The following ANO3 variants were observed in gnomAD, a reference collection of about 807,000 sequenced individuals.
ANO3 encodes anoctamin 3.
A neutral mutation model predicts 144.8 loss-of-function variants in ANO3; 99 were observed. The ratio of observed to expected loss-of-function variants is 0.68; its 90% confidence interval spans 0.58 to 0.81. The LOEUF (loss-of-function observed/expected upper bound fraction) is 0.81. ANO3 is among the 30% of genes least tolerant of loss of function. The pLI, the probability that ANO3 is intolerant of heterozygous loss-of-function variation, is 0.00. For missense variants in ANO3, 905 were observed against 1,202.2 expected (o/e 0.75, Z 3.66); for synonymous variants, 414 against 392.6 (o/e 1.05, Z -0.64).
intron 1 of ANO3, among the ~76,000 whole-genome samples, chr11:26,234,534 A>G (rs1380430839): frequency 1.3e-5 from 2 of 152,224 alleles, no homozygotes; most frequent in Non-Finnish European, 2.9e-5. Context: ...TTTAAAAACC[A>G]ATTTAAATAC....
At chr11:26,541,487 G>C (rs1257890308) in intron 10 of ANO3, among the ~76,000 whole-genome samples, 1 of 151,886 alleles carries the variant, frequency 6.6e-6, no homozygotes, top group Admixed American at 6.6e-5. Context: ...GGTGGCTGAG[G>C]CCTCTTATAT....
At position 26,377,017 on chromosome 11, in the gene ANO3, A is replaced by G. The variant is rs189261879; in HGVS notation, c.46+44696A>G. On this transcript the variant is annotated intron_variant, in intron 1 of 26. Transcript: ENST00000256737. Reference sequence around the variant, plus strand: ...TGAGGAGAAAAAAGTCTACATGAAAAATTCTTAGATTCATCCTAGAAAGTC... The same window carrying G: ...TGAGGAGAAAAAAGTCTACATGAAAGATTCTTAGATTCATCCTAGAAAGTC... 1.2e-4 allele frequency among the ~76,000 whole-genome samples: 19 copies of G among 152,234 alleles called. No individual in the cohort carries two copies. In the East Asian group the frequency reaches 3.7e-3, roughly 29 times the overall value.
At chr11:26,261,293 C>T (rs1277293795) in intron 1 of ANO3, among the ~76,000 whole-genome samples, 2 of 152,120 alleles carry the variant, frequency 1.3e-5, no homozygotes, top group South Asian at 2.1e-4. Context: ...ATTTAGAGAA[C>T]AGCCTTGCTT....
intron 4 of ANO3, among the ~76,000 whole-genome samples, chr11:26,466,618 G>T (rs1859611256): frequency 2.0e-5 from 3 of 151,972 alleles, no homozygotes; most frequent in Admixed American, 6.6e-5. Context: ...CATAAGCACA[G>T]TTGCCCCAAA....
chr11:26,604,317 T>C (rs557268434), intron 17 of ANO3, among the ~76,000 whole-genome samples: 1 of 152,188 alleles, frequency 6.6e-6, no homozygotes, highest in Non-Finnish European at 1.5e-5. Flanking sequence ...TACTGTAGCC[T>C]TGTAGTATAG....
chr11:26,249,183 T>C (rs934694090), intron 1 of ANO3, among the ~76,000 whole-genome samples: 5 of 152,170 alleles, frequency 3.3e-5, no homozygotes, highest in African/African-American at 1.2e-4. Context: ...GCCGTTGGGG[T>C]ATATGGATAT....
intron 1 of ANO3, among the ~76,000 whole-genome samples, chr11:26,255,629 G>A (rs1027732011): frequency 8.5e-5 from 13 of 152,068 alleles, no homozygotes; most frequent in African/African-American, 3.1e-4. Context: ...ATGGGAGGGG[G>A]GTTTTGGTCT....
In ANO3 at chr11:26,662,973, A is replaced by G. The variant is rs1374525827; in HGVS notation, c.*2529A>G. The G allele has an allele frequency of 6.6e-6, 1 of 152,454 alleles. No homozygotes were observed. Among genetic ancestry groups the G allele is most frequent in the Non-Finnish European group, 1.5e-5 (1 of 67,972 alleles). The allele number at this position is 152,454 out of a possible 1,614,324, so 9.4% of individuals were successfully genotyped here. ...TGTATTACATGAATGCTGCTTATATATTTTCATATTCTAACTTGTCTTTTC... is the reference window on the plus strand; with the variant it reads ...TGTATTACATGAATGCTGCTTATATGTTTTCATATTCTAACTTGTCTTTTC... On this transcript the variant is annotated 3_prime_UTR_variant, in exon 27 of 27. Transcript: ENST00000256737.
At chr11:26,323,371 T>G (rs548339875) in intron 1 of ANO3, among the ~76,000 whole-genome samples, 1 of 152,310 alleles carries the variant, frequency 6.6e-6, no homozygotes, top group East Asian at 1.9e-4. Flanking sequence ...CATTTTGATC[T>G]GTCTGATTTC....
intron 17 of ANO3, among the ~76,000 whole-genome samples, chr11:26,607,816 T>G (rs1851977628): frequency 6.6e-6 from 1 of 152,232 alleles, no homozygotes; most frequent in Non-Finnish European, 1.5e-5. Context: ...AGATTGGTTA[T>G]TCTACATAGC....
chr11:26,315,513 G>C (rs1373125865), intron 1 of ANO3, among the ~76,000 whole-genome samples: 1 of 152,100 alleles, frequency 6.6e-6, no homozygotes, highest in Non-Finnish European at 1.5e-5. Context: ...TTTAGGAGAA[G>C]TATAATGAAC....
intron 1 of ANO3, among the ~76,000 whole-genome samples, chr11:26,359,125 C>G (rs1855859179): frequency 6.6e-6 from 1 of 152,172 alleles, no homozygotes; most frequent in Admixed American, 6.5e-5. Context: ...ATATTGGAAA[C>G]CAGGCACTAG....
chr11:26,443,763 A>G lies in ANO3; in HGVS notation c.242-2A>G. On this transcript the variant is annotated splice_acceptor_variant, in intron 2 of 26. Transcript: ENST00000256737. LOFTEE classifies it high-confidence loss of function. ...ACTACAAAGTATCTTATTTTATTTCAGTTAATACTGAGGAGAATAAAAACG... is the reference window on the plus strand; with the variant it reads ...ACTACAAAGTATCTTATTTTATTTCGGTTAATACTGAGGAGAATAAAAACG... 1 of 1,034,280 alleles carries G rather than the reference A, an allele frequency of 9.7e-7. No individual in the cohort carries two copies. Among genetic ancestry groups the G allele is most frequent in the Middle Eastern group, 2.4e-4 (1 of 4,236 alleles). 64.1% of individuals were successfully genotyped at this position (1,034,280 alleles called of 1,614,324 possible).
At chr11:26,565,925 C>A in intron 14 of ANO3, 1 of 1,522,558 alleles carries the variant, frequency 6.6e-7, no homozygotes, top group Non-Finnish European at 8.8e-7. Context: ...AATTTGAATT[C>A]CTTAAATAAA....
At chr11:26,355,017 T>TTG (rs1199886863) in intron 1 of ANO3, among the ~76,000 whole-genome samples, 3 of 151,844 alleles carry the variant, frequency 2.0e-5, no homozygotes, top group African/African-American at 7.2e-5. Flanking sequence ...AACTCTTTTT[T>TTG]TTTTTCTCCC....
At chr11:26,631,945 C>T (rs1313621594) in intron 18 of ANO3, among the ~76,000 whole-genome samples, 4 of 151,908 alleles carry the variant, frequency 2.6e-5, no homozygotes, top group African/African-American at 7.3e-5. Context: ...TTTGGGAGGC[C>T]GAGGCAGCCA....
At chr11:26,230,608 C>T (rs927790305) in intron 1 of ANO3, among the ~76,000 whole-genome samples, 1 of 151,516 alleles carries the variant, frequency 6.6e-6, no homozygotes, top group Non-Finnish European at 1.5e-5. Context: ...ACCAGCCTGG[C>T]CAACATGGTG....
At chr11:26,649,614 GTAATCC>G (rs898029105) in intron 24 of ANO3, among the ~76,000 whole-genome samples, 4 of 152,062 alleles carry the variant, frequency 2.6e-5, no homozygotes, top group African/African-American at 9.7e-5. Context: ...GCGGGCGCCT[GTAATCC>G]CAGCTACTCG....
chr11:26,438,611 A>AAAAAAAAAG (rs1858389214), intron 1 of ANO3, among the ~76,000 whole-genome samples: 11 of 35,508 alleles, frequency 3.1e-4, no homozygotes, highest in Non-Finnish European at 6.4e-4. Context: ...AAAAAAAAGA[A>AAAAAAAAAG]AAAAAAAAAA....
Sources: gnomAD v4.1 joint callset for allele counts (sites outside exome capture counted in the v4.1 genomes callset) on GRCh38, gnomAD v4.1.1 for gene constraint, MANE v1.5 for transcripts, NCBI Gene and HGNC (gene_info 2026-07-23, HGNC 2026-07-21) for gene names.